The following DIP2C variants were observed in gnomAD, a reference collection of about 807,000 sequenced individuals.
The protein encoded by DIP2C is disco-interacting protein 2 homolog C.
A neutral mutation model predicts 192.4 loss-of-function variants in DIP2C; 33 were observed. That is an observed-to-expected ratio of 0.17 (90% confidence interval 0.13 to 0.23). DIP2C has a LOEUF of 0.23. Ranked by LOEUF, DIP2C falls within the 10% of genes least tolerant of loss-of-function variation. The probability of loss-of-function intolerance (pLI) is 1.00; values close to 1 mark genes in which losing one functional copy is unlikely to be tolerated. For synonymous variants in DIP2C, 979 were observed against 864.1 expected (o/e 1.13, Z -2.33); for missense variants, 1,537 against 2,110.1 (o/e 0.73, Z 5.32).
chr10:337,063 T>TGTGC (rs1299047213), intron 29 of DIP2C, among the ~76,000 whole-genome samples: 2 of 126,542 alleles, frequency 1.6e-5, no homozygotes, highest in African/African-American at 6.2e-5. Flanking sequence ...TGTGTGTGTG[T>TGTGC]GTGTGTGTGT....
At chr10:599,067 T>G (rs1472500522) in intron 1 of DIP2C, among the ~76,000 whole-genome samples, 1 of 152,058 alleles carries the variant, frequency 6.6e-6, no homozygotes, top group Non-Finnish European at 1.5e-5. Context: ...AAGGAGTCAG[T>G]CCCTCACAAA....
chr10:304,057 C>CT (rs765204586), intron 32 of DIP2C, among the ~76,000 whole-genome samples: 3 of 152,144 alleles, frequency 2.0e-5, no homozygotes, highest in East Asian at 1.9e-4. Flanking sequence ...TTACAGTTAA[C>CT]TTTTTTATTG....
intron 1 of DIP2C, among the ~76,000 whole-genome samples, chr10:659,867 T>C (rs1026898797): frequency 4.6e-5 from 7 of 152,246 alleles, no homozygotes; most frequent in African/African-American, 1.7e-4. Flanking sequence ...CCCTTCCTGC[T>C]TTCTCTTTCC....
intron 1 of DIP2C, among the ~76,000 whole-genome samples, chr10:519,646 C>T (rs1846572750): frequency 1.3e-5 from 2 of 152,272 alleles, no homozygotes; most frequent in African/African-American, 2.4e-5. Context: ...GTCACCTACA[C>T]TGCCACAGCC....
chr10:665,911 A>G (rs917700978), intron 1 of DIP2C: 1 of 152,124 alleles, frequency 6.6e-6, no homozygotes, highest in African/African-American at 2.4e-5. Context: ...AGAGGTAAAT[A>G]ATCAAGTGGA....
intron 10 of DIP2C, among the ~76,000 whole-genome samples, chr10:396,837 GA>G (rs1554842456): frequency 9.0e-5 from 5 of 55,752 alleles, no homozygotes; most frequent in Admixed American, 2.4e-4. Flanking sequence ...GGGGGGGGGG[GA>G]AACTGGCTGC....
At chr10:460,285 A>C (rs1969667193) in intron 3 of DIP2C, among the ~76,000 whole-genome samples, 1 of 151,776 alleles carries the variant, frequency 6.6e-6, no homozygotes, top group African/African-American at 2.4e-5. Context: ...TCTAACTGAG[A>C]GTTTATCAAG....
At chr10:569,208 C>T (rs773423850) in intron 1 of DIP2C, among the ~76,000 whole-genome samples, 56 of 152,214 alleles carry the variant, frequency 3.7e-4, no homozygotes, top group Admixed American at 7.9e-4. Context: ...AGGCATAACA[C>T]ATTGCCTACC....
intron 19 of DIP2C, chr10:364,868 C>G: frequency 1.6e-6 from 1 of 628,582 alleles, no homozygotes; most frequent in South Asian, 1.6e-5. Context: ...AGAAGTCTCA[C>G]AGGAGGCCAA....
At chr10:313,116 A>C (rs923521446) in intron 31 of DIP2C, among the ~76,000 whole-genome samples, 4 of 152,220 alleles carry the variant, frequency 2.6e-5, no homozygotes, top group African/African-American at 9.6e-5. Flanking sequence ...CCTGAGGTAA[A>C]AAGTCTGAAA....
chr10:528,218 G>A (rs559148136), intron 1 of DIP2C, among the ~76,000 whole-genome samples: 1 of 152,164 alleles, frequency 6.6e-6, no homozygotes, highest in Non-Finnish European at 1.5e-5. Context: ...CCCTAGTCAG[G>A]AGCCATTCAT....
At chr10:601,162 C>G (rs1852048341) in intron 1 of DIP2C, among the ~76,000 whole-genome samples, 1 of 152,166 alleles carries the variant, frequency 6.6e-6, no homozygotes, top group South Asian at 2.1e-4. Flanking sequence ...CTGCTGCACC[C>G]AACTGTAGAG....
intron 1 of DIP2C, among the ~76,000 whole-genome samples, chr10:550,288 G>A (rs935400559): frequency 6.6e-6 from 1 of 151,952 alleles, no homozygotes; most frequent in Admixed American, 6.6e-5. Flanking sequence ...GGGAATACAG[G>A]TATGAGCCAC....
At chr10:609,846 A>G (rs1483103426) in intron 1 of DIP2C, among the ~76,000 whole-genome samples, 1 of 152,220 alleles carries the variant, frequency 6.6e-6, no homozygotes, top group East Asian at 1.9e-4. Flanking sequence ...TGGTCAGTGC[A>G]GCCGGGTACC....
chr10:278,825 C>T (rs1015933182), intron 36 of DIP2C, among the ~76,000 whole-genome samples: 1 of 152,136 alleles, frequency 6.6e-6, no homozygotes, highest in Non-Finnish European at 1.5e-5. Flanking sequence ...TTTAAGGGCC[C>T]TGACATTCAC....
chr10:406,024 T>A (rs1298227506), intron 9 of DIP2C, among the ~76,000 whole-genome samples: 1 of 152,184 alleles, frequency 6.6e-6, no homozygotes, highest in Non-Finnish European at 1.5e-5. Context: ...CTGCCCAAAA[T>A]AAGCCTCTTT....
intron 4 of DIP2C, among the ~76,000 whole-genome samples, chr10:438,663 G>GT (rs945717707): frequency 4.0e-5 from 6 of 151,118 alleles, no homozygotes; most frequent in Admixed American, 3.3e-4. Flanking sequence ...GCTGATTTCT[G>GT]TATTTTTGGT....
chr10:376,399 C>T (rs748017297), intron 17 of DIP2C, among the ~76,000 whole-genome samples: 1 of 151,866 alleles, frequency 6.6e-6, no homozygotes, highest in East Asian at 1.9e-4. Flanking sequence ...ACGACGTTCC[C>T]TGTGCTGGCG....
intron 3 of DIP2C, among the ~76,000 whole-genome samples, chr10:447,853 C>A (rs1276875843): frequency 1.6e-5 from 2 of 121,890 alleles, no homozygotes; most frequent in African/African-American, 4.8e-5. Context: ...AGTGCGGCAG[C>A]AGGACCCACT....
Sources: allele counts gnomAD v4.1 joint callset (sites outside exome capture counted in the v4.1 genomes callset), GRCh38; gene constraint gnomAD v4.1.1; transcripts MANE v1.5; gene names NCBI Gene and HGNC (gene_info 2026-07-23, HGNC 2026-07-21).